KLHL8: variants seen among roughly 807,000 people sequenced by gnomAD.
The protein encoded by KLHL8 is kelch like family member 8.
A neutral mutation model predicts 63.5 loss-of-function variants in KLHL8; 38 were observed. That is an observed-to-expected ratio of 0.60 (90% CI 0.46 to 0.78). The LOEUF (loss-of-function observed/expected upper bound fraction) is 0.78, where lower values mean the gene tolerates loss of function less well. Among genes scored for constraint, KLHL8 ranks in the 30% least tolerant of loss-of-function variants. The pLI is 0.00. For synonymous variants in KLHL8, 224 were observed against 254.3 expected (o/e 0.88, Z 1.13); for missense variants, 566 against 752.4 (o/e 0.75, Z 2.90).
In KLHL8 at chr4:87,164,013, T is replaced by C; in HGVS notation, c.1604A>G (p.Asp535Gly). 6.2e-7 allele frequency: 1 copy of C among 1,614,138 alleles called. No individual in the cohort carries two copies. The highest frequency in any genetic ancestry group is 8.5e-7 in the Non-Finnish European group (1 of 1,180,026). Residue 535 changes from aspartate (D) to glycine (G), a missense_variant, in exon 9 of 10, where the codon GAT (aspartate) becomes GGT (glycine). Asp to Gly is a moderately conservative substitution (Grantham distance 94). Transcript: ENST00000273963. ...ERYDPRSNKW[D>G]YVAALTTPRG... Reference sequence around the variant, plus strand: ...GGGAGTAGTAAGTGCTGCCACATAATCCCACTTGTTGCTTCGGGGGTCATA... The same window carrying C: ...GGGAGTAGTAAGTGCTGCCACATAACCCCACTTGTTGCTTCGGGGGTCATA...
chr4:87,208,376 T>C (rs535436861), intron 1 of KLHL8, among the ~76,000 whole-genome samples: 15 of 151,662 alleles, frequency 9.9e-5, no homozygotes, highest in African/African-American at 3.6e-4. Context: ...TTTCTTTTTT[T>C]TTTTTTTTGA....
At chr4:87,165,208 T>C (rs1400410820) in intron 8 of KLHL8, among the ~76,000 whole-genome samples, 5 of 147,780 alleles carry the variant, frequency 3.4e-5, no homozygotes. Context: ...ACCTCTCTAA[T>C]GGGTTTAATT....
intron 5 of KLHL8, among the ~76,000 whole-genome samples, chr4:87,177,537 CTA>C (rs10631485): frequency 0.012 from 1,732 of 149,774 alleles, 39 homozygotes; most frequent in African/African-American, 0.04. Context: ...CAAACAAAAA[CTA>C]TATATATATA....
intron 1 of KLHL8, among the ~76,000 whole-genome samples, chr4:87,200,213 T>C (rs1731865872): frequency 6.9e-6 from 1 of 144,914 alleles, no homozygotes; most frequent in Non-Finnish European, 1.5e-5. Flanking sequence ...AGATGATATA[T>C]AAATGGCCAA....
chr4:87,170,805 T>C (rs962620849), intron 6 of KLHL8, among the ~76,000 whole-genome samples, 190 bp from the exon 7 acceptor site: 1 of 152,238 alleles, frequency 6.6e-6, no homozygotes, highest in Non-Finnish European at 1.5e-5. Flanking sequence ...TGCAACTCTA[T>C]GTGAATACTG....
At chr4:87,184,380 A>C (rs1472162070) in intron 3 of KLHL8, among the ~76,000 whole-genome samples, 1 of 152,192 alleles carries the variant, frequency 6.6e-6, no homozygotes, top group Non-Finnish European at 1.5e-5. Context: ...TAAAATGAGA[A>C]CACTGGTAAT....
Position 87,183,302 on chromosome 4 carries a change from A to C in KLHL8, c.853T>G (p.Leu285Val), listed in dbSNP as rs1476182345. The stretch of plus-strand genomic sequence containing the variant: ...TGGTAATTTCTTGCTTCATCCAGTA[A>C]ATCTCTACATTTTAGATTTTGCTTG... ...IVKQNLKCRDLLDEARNYHLH... is the reference protein window; with the variant it reads ...IVKQNLKCRDVLDEARNYHLH... The change falls in exon 4 of 10, where the codon TTA becomes GTA. Residue 285 changes from leucine to valine, a missense_variant. Leu to Val is a conservative substitution (Grantham distance 32). Coordinates refer to ENST00000273963, the MANE Select transcript of KLHL8 (RefSeq NM_020803.5). The C allele has an allele frequency of 1.2e-6, 2 of 1,613,658 alleles. No individual in the cohort carries two copies. The highest frequency in any genetic ancestry group is 3.3e-5 in the Admixed American group (2 of 59,996).
intron 1 of KLHL8, among the ~76,000 whole-genome samples, chr4:87,239,086 C>A (rs1267364789): frequency 6.6e-6 from 1 of 152,066 alleles, no homozygotes; most frequent in Non-Finnish European, 1.5e-5. Flanking sequence ...CAATATATAC[C>A]TTTTTCGCAC....
chr4:87,197,246 C>G (rs75923530), intron 1 of KLHL8, among the ~76,000 whole-genome samples: 1,737 of 71,020 alleles, frequency 0.024, 39 homozygotes, highest in African/African-American at 0.062. Flanking sequence ...AGATGCCACT[C>G]TCTTGATTAT....
At chr4:87,210,266 G>A (rs902613352) in intron 1 of KLHL8, among the ~76,000 whole-genome samples, 3 of 152,130 alleles carry the variant, frequency 2.0e-5, no homozygotes, top group African/African-American at 7.2e-5. Flanking sequence ...CGGATCACGA[G>A]GTCAGGAGAT....
intron 2 of KLHL8, among the ~76,000 whole-genome samples, chr4:87,190,642 T>A (rs559264006): frequency 0.048 from 3,610 of 74,822 alleles, 69 homozygotes; most frequent in Middle Eastern, 0.088. Context: ...AGACTCTGTC[T>A]TTAAAAAAAA....
At chr4:87,204,199 C>T (rs1217890775) in intron 1 of KLHL8, among the ~76,000 whole-genome samples, 2 of 152,142 alleles carry the variant, frequency 1.3e-5, no homozygotes, top group African/African-American at 4.8e-5. Context: ...TACACTCCAG[C>T]CTAAGCAACA....
intron 1 of KLHL8, among the ~76,000 whole-genome samples, chr4:87,199,498 C>A (rs1323199226): frequency 6.6e-6 from 1 of 151,920 alleles, no homozygotes; most frequent in Non-Finnish European, 1.5e-5. Flanking sequence ...CAAGTAAACA[C>A]AGACAAATGG....
intron 1 of KLHL8, among the ~76,000 whole-genome samples, chr4:87,230,194 C>CTA (rs549433208): frequency 2.2e-3 from 340 of 152,284 alleles, no homozygotes; most frequent in Non-Finnish European, 4.0e-3. Context: ...CACCTCTTGA[C>CTA]TAAGGTCTTG....
At chr4:87,205,719 C>T (rs1214039325) in intron 1 of KLHL8, among the ~76,000 whole-genome samples, 2 of 152,118 alleles carry the variant, frequency 1.3e-5, no homozygotes, top group Non-Finnish European at 2.9e-5. Flanking sequence ...CCACTTAGGC[C>T]TCCCAAAATG....
chr4:87,174,294 T>C (rs1241900367), intron 6 of KLHL8, among the ~76,000 whole-genome samples: 1 of 152,018 alleles, frequency 6.6e-6, no homozygotes, highest in African/African-American at 2.4e-5. Flanking sequence ...TTTTTTTTTT[T>C]TGAGACGGAA....
intron 4 of KLHL8, among the ~76,000 whole-genome samples, chr4:87,180,395 T>G (rs1731005374): frequency 6.6e-6 from 1 of 152,228 alleles, no homozygotes; most frequent in South Asian, 2.1e-4. Flanking sequence ...TTATTTATTA[T>G]TCACAACCAA....
chr4:87,226,076 G>GA (rs1391353806), intron 1 of KLHL8, among the ~76,000 whole-genome samples: 2 of 151,916 alleles, frequency 1.3e-5, no homozygotes, highest in Non-Finnish European at 2.9e-5. Context: ...TTAGTTACCA[G>GA]AAAAAAACAC....
chr4:87,182,896 T>C (rs938566016), intron 4 of KLHL8, among the ~76,000 whole-genome samples: 2 of 152,138 alleles, frequency 1.3e-5, no homozygotes, highest in Non-Finnish European at 2.9e-5. Flanking sequence ...TTAAGACATG[T>C]CAAATGAGTA....
Sources: gnomAD v4.1 joint callset for allele counts (sites outside exome capture counted in the v4.1 genomes callset) on GRCh38, gnomAD v4.1.1 for gene constraint, MANE v1.5 for transcripts, NCBI Gene and HGNC (gene_info 2026-07-23, HGNC 2026-07-21) for gene names.